Variants in PCNX2 observed in about 807,000 individuals in gnomAD.
PCNX2 encodes the protein pecanex 2.
Under a neutral mutation model 223.8 loss-of-function variants are expected in PCNX2, and 168 were observed. The ratio of observed to expected loss-of-function variants is 0.75; its 90% CI spans 0.66 to 0.85. The LOEUF is 0.85. Ranked by LOEUF, PCNX2 falls within the 40% of genes least tolerant of loss-of-function variation. The probability of loss-of-function intolerance (pLI) is 0.00; values close to 1 mark genes in which losing one functional copy is unlikely to be tolerated. For missense variants in PCNX2, 2,507 were observed against 2,675.5 expected (o/e 0.94, Z 1.39); for synonymous variants, 1,006 against 1,052.6 (o/e 0.96, Z 0.86).
chr1:233,318,560 T>TTCC, the PCNX2 span, among the ~76,000 whole-genome samples: 1 of 116,274 alleles, frequency 8.6e-6, no homozygotes, highest in African/African-American at 3.5e-5. Context: ...TCTTTTTCTT[T>TTCC]TTCTTTTTTT....
intron 26 of PCNX2, chr1:233,019,170 G>A (rs190001516): frequency 2.0e-6 from 2 of 985,396 alleles, no homozygotes; most frequent in Admixed American, 6.1e-5. Flanking sequence ...TAGGCTCTCT[G>A]CTGTGAGGAC....
At position 232,989,215 on chromosome 1, in the gene PCNX2, G is replaced by A. The variant is rs959865644; in HGVS notation, c.5792-2675C>T. ...CACGCCTGTAATCCCAGCACTTTGG[G>A]AGGCCGAGGCAGGCAGATCACGAGG... On this transcript the variant is annotated intron_variant, in intron 32 of 33. Transcript: ENST00000258229. 5.3e-5 allele frequency among the ~76,000 whole-genome samples: 8 copies of A among 152,284 alleles called. No individual in the cohort carries two copies. The South Asian group carries it at 8.3e-4, about 16-fold the overall frequency.
At chr1:233,144,130 G>T (rs552040749) in intron 19 of PCNX2, among the ~76,000 whole-genome samples, 2 of 151,882 alleles carry the variant, frequency 1.3e-5, no homozygotes, top group East Asian at 3.9e-4. Context: ...GTAATAAGCC[G>T]TGATTACACC....
intron 19 of PCNX2, among the ~76,000 whole-genome samples, chr1:233,150,336 C>T (rs543251207): frequency 1.3e-5 from 2 of 152,294 alleles, no homozygotes; most frequent in South Asian, 4.1e-4. Context: ...TATCTACTCT[C>T]CAGGTTCCCA....
At chr1:233,264,722 GT>G (rs140165947) in intron 1 of PCNX2, among the ~76,000 whole-genome samples, 2,657 of 152,028 alleles carry the variant, frequency 0.017, 85 homozygotes, top group African/African-American at 0.061. Context: ...AGCAGATAAG[GT>G]TTATATTTAC....
chr1:233,197,095 T>C (rs1370019093), intron 15 of PCNX2, among the ~76,000 whole-genome samples: 3 of 152,146 alleles, frequency 2.0e-5, no homozygotes, highest in Non-Finnish European at 4.4e-5. Context: ...TGATGAATGG[T>C]GGCCAGAGGC....
chr1:233,014,717 A>ACAGGGC lies in PCNX2; in HGVS notation c.4894_4899dup (p.Ala1632_Leu1633dup). On this transcript the variant is annotated inframe_insertion, in exon 28 of 34. Transcript: ENST00000258229. ...CCCAGAGCTCTCCTCCCCAGGGTGC[A>ACAGGGC]CAGGGCGAAGGACAGAGTCACCAAG... 1 of 1,614,054 alleles carries ACAGGGC rather than the reference A, an allele frequency of 6.2e-7. No individual in the cohort carries two copies. The highest frequency in any genetic ancestry group is 8.5e-7 in the Non-Finnish European group (1 of 1,179,908).
rs891045254 is a variant in PCNX2, at chr1:233,183,582, C to A, written c.3067-4407G>T. Among the ~76,000 whole-genome samples the A allele has an allele frequency of 3.9e-5, 6 of 152,308 alleles. No individual in the cohort carries two copies. The East Asian group carries it at 7.7e-4, about 20-fold the overall frequency. On this transcript the variant is annotated intron_variant, in intron 15 of 33. Transcript: ENST00000258229. ...CTTCTCATTATTCCTTCAAACAGTACCCCCAGCAACAGGAAAGTTATTCTG... is the reference window on the plus strand; with the variant it reads ...CTTCTCATTATTCCTTCAAACAGTAACCCCAGCAACAGGAAAGTTATTCTG...
chr1:233,185,526 A>G (rs1680047735), intron 15 of PCNX2, among the ~76,000 whole-genome samples: 1 of 152,202 alleles, frequency 6.6e-6, no homozygotes, highest in South Asian at 2.1e-4. Flanking sequence ...AGTTCCCAGC[A>G]TTACAGGCTG....
In PCNX2 at chr1:233,218,142, A is replaced by T. The variant is rs368517051; in HGVS notation, c.2547T>A (p.Ile849=). ...IKENVLAILL[I]VLVSLLGFLT... ...GAAATCCAAGGAGGGAAACCAGGAC[A>T]ATGAGTAAAATCGCCAGTACATTCT... Residue 849 remains isoleucine (I), a synonymous_variant, in exon 11 of 34, where the codon ATT becomes ATA. Coordinates refer to ENST00000258229, the MANE Select transcript of PCNX2 (RefSeq NM_014801.4). 4 of 1,545,700 alleles carry T rather than the reference A, an allele frequency of 2.6e-6. No individual in the cohort carries two copies. The highest frequency in any genetic ancestry group is 2.4e-5 in the South Asian group (2 of 83,952).
At chr1:233,169,473 C>T (rs1274568458) in intron 17 of PCNX2, among the ~76,000 whole-genome samples, 3 of 151,356 alleles carry the variant, frequency 2.0e-5, no homozygotes, top group Admixed American at 6.6e-5. Context: ...GGTGAAACCC[C>T]GTCTCTACTA....
intron 12 of PCNX2, among the ~76,000 whole-genome samples, chr1:233,212,095 G>C (rs942108675): frequency 6.6e-6 from 1 of 152,118 alleles, no homozygotes; most frequent in Non-Finnish European, 1.5e-5. Flanking sequence ...TGATGATTTC[G>C]TTTTTACTTT....
intron 21 of PCNX2, among the ~76,000 whole-genome samples, chr1:233,099,852 G>A (rs1175968740): frequency 6.6e-6 from 1 of 152,158 alleles, no homozygotes. Flanking sequence ...CACCTTTCCA[G>A]TAAGCAGGGC....
chr1:233,265,366 C>T (rs1359638116), intron 1 of PCNX2, among the ~76,000 whole-genome samples: 1 of 152,208 alleles, frequency 6.6e-6, no homozygotes, highest in Non-Finnish European at 1.5e-5. Context: ...TCCATCCTCT[C>T]CTCTTCATTT....
rs184818637 is a variant in PCNX2, at chr1:233,001,922, A to C, written c.4953-241T>G. ...TCTTCAGTCATTTTAGGAGCCACCA[A>C]AGTACTTAATCACTGGATGTGACAC... On this transcript the variant is annotated intron_variant, in intron 28 of 33. Coordinates refer to ENST00000258229, the MANE Select transcript of PCNX2 (RefSeq NM_014801.4). The surrounding 1 kb of genome is among the most constrained non-coding windows in gnomAD (Gnocchi z 4.2). Among the ~76,000 whole-genome samples, 10 of 152,298 alleles carry C rather than the reference A, an allele frequency of 6.6e-5. No homozygotes were observed. The East Asian group carries it at 1.9e-3, about 29-fold the overall frequency.
At chr1:233,279,451 T>C (rs1470958127) in intron 1 of PCNX2, among the ~76,000 whole-genome samples, 1 of 151,788 alleles carries the variant, frequency 6.6e-6, no homozygotes, top group Admixed American at 6.6e-5. Context: ...TGTGTGTATA[T>C]ATATATATTT....
In PCNX2 at chr1:233,019,273, C is replaced by CT. The variant is rs1461881697; in HGVS notation, c.4606-2120dup. The CT allele has an allele frequency of 3.4e-6, 3 of 882,396 alleles. No individual in the cohort carries two copies. The African/African-American group carries it at 5.4e-5, about 16-fold the overall frequency. The allele number at this position is 882,396 out of a possible 1,614,324, so 54.7% of individuals were successfully genotyped here. On this transcript the variant is annotated intron_variant, in intron 26 of 33. Transcript: ENST00000258229. Reference sequence around the variant, plus strand: ...CACACCTTCTATTACGCTCCACAGTCTACCTGTCCCAAAAATGAGGAAGTG... The same window carrying CT: ...CACACCTTCTATTACGCTCCACAGTCTTACCTGTCCCAAAAATGAGGAAGTG...
intron 12 of PCNX2, chr1:233,210,686 A>AT (rs1221790289): frequency 1.0e-6 from 1 of 978,138 alleles, no homozygotes; most frequent in Admixed American, 6.2e-5. Flanking sequence ...CTAAGGACTG[A>AT]TTTTTTAATT....
intron 26 of PCNX2, among the ~76,000 whole-genome samples, chr1:233,020,469 G>C (rs922049004): frequency 6.6e-5 from 10 of 152,254 alleles, no homozygotes; most frequent in South Asian, 6.2e-4. Flanking sequence ...GCTGAAAGCA[G>C]GACCCCTCCT....
Sources: gnomAD v4.1 joint callset for allele counts (sites outside exome capture counted in the v4.1 genomes callset) on GRCh38, gnomAD v4.1.1 for gene constraint, Gnocchi (gnomAD v3.1) non-coding constraint, MANE v1.5 for transcripts, NCBI Gene and HGNC (gene_info 2026-07-23, HGNC 2026-07-21) for gene names.